CROCC2: variants seen among roughly 807,000 people sequenced by gnomAD.
CROCC2 encodes the protein ciliary rootlet coiled-coil, rootletin family member 2, also known as ciliary rootlet coiled-coil protein 2.
CROCC2 carries 163 observed loss-of-function variants against 177.6 expected under a neutral mutation model. The observed-to-expected ratio is 0.92, with a 90% CI of 0.81 to 1.05. CROCC2 has a LOEUF of 1.05. Ranked by LOEUF, CROCC2 falls within the 50% of genes least tolerant of loss-of-function variation. CROCC2 has a pLI of 0.00. For missense variants in CROCC2, 1,929 were observed against 1,797.8 expected (o/e 1.07, Z -1.32); for synonymous variants, 904 against 787.3 (o/e 1.15, Z -2.48).
intron 18 of CROCC2, chr2:240,950,961 A>T: frequency 6.2e-6 from 1 of 161,180 alleles, no homozygotes; most frequent in Non-Finnish European, 1.3e-5. Flanking sequence ...CTACCCATTC[A>T]CCTCCTCATC....
In CROCC2 at chr2:240,993,278, A is replaced by G; in HGVS notation, c.*197A>G. 5.5e-6 allele frequency: 3 copies of G among 541,732 alleles called. No individual in the cohort carries two copies. Among genetic ancestry groups the G allele is most frequent in the Admixed American group, 6.7e-5 (2 of 29,958 alleles). 33.6% of individuals were successfully genotyped at this position (541,732 alleles called of 1,614,324 possible). A position where few individuals can be genotyped will look rare whatever the true frequency, so the allele number is the denominator to read the frequency against. On this transcript the variant is annotated 3_prime_UTR_variant, in exon 32 of 32. Transcript: ENST00000690015. ...TTGAAATGCATGTGGGGGCCTCCGA[A>G]TTTTGAATTTTAATAAATAGTTGAA...
chr2:240,987,227 G>A (rs937719655), intron 28 of CROCC2, among the ~76,000 whole-genome samples: 1 of 152,186 alleles, frequency 6.6e-6, no homozygotes, highest in Non-Finnish European at 1.5e-5. Context: ...CCAGCTGTGG[G>A]CACAGTGCCC....
chr2:240,948,203 A>C (rs1350483883), intron 15 of CROCC2, among the ~76,000 whole-genome samples: 1 of 152,144 alleles, frequency 6.6e-6, no homozygotes, highest in Non-Finnish European at 1.5e-5. Flanking sequence ...AGTAGCATGC[A>C]GCAGAGTGAG....
At position 240,991,257 on chromosome 2, in the gene CROCC2, G is replaced by C. The variant is rs2059877707; in HGVS notation, c.4925G>C (p.Gly1642Ala). Residue 1642 changes from glycine (G) to alanine (A), a missense_variant, in exon 31 of 32, where the codon GGC becomes GCC. Around this residue, in one of 3 missense-constraint regions of CROCC2, gnomAD observed 388 missense variants for 352.7 expected, o/e 1.10. Transcript: ENST00000690015. ...CAGTGGCGGCAACAGGCCCACCTCG[G>C]CCAGGCCTTCCAGACAGGACAGTGA... ...EVQWRQQAHLGQAFQTGHAQR... is the reference protein window; with the variant it reads ...EVQWRQQAHLAQAFQTGHAQR... 6.5e-7 allele frequency: 1 copy of C among 1,548,576 alleles called. No individual in the cohort carries two copies. Among genetic ancestry groups the C allele is most frequent in the Non-Finnish European group, 8.7e-7 (1 of 1,146,004 alleles).
intron 14 of CROCC2, among the ~76,000 whole-genome samples, chr2:240,938,749 T>G (rs2059482430): frequency 6.6e-6 from 1 of 151,520 alleles, no homozygotes; most frequent in South Asian, 2.1e-4. Flanking sequence ...CAGCCATGTT[T>G]GTAGTTTTCA....
chr2:240,949,210 G>A lies in CROCC2; in HGVS notation c.2482+113G>A. ...CACCCCCTCTCCGGAGCCCACAGGGGCATGAACATGAGCTTGGAGCTCATG... is the reference window on the plus strand; with the variant it reads ...CACCCCCTCTCCGGAGCCCACAGGGACATGAACATGAGCTTGGAGCTCATG... On this transcript the variant is annotated intron_variant, in intron 16 of 31. Transcript: ENST00000690015. This position sits in a 1 kb window ranked among gnomAD's most constrained non-coding sequence, Gnocchi z 4.5. 2.8e-6 allele frequency: 4 copies of A among 1,439,392 alleles called. No individual in the cohort carries two copies. Among genetic ancestry groups the A allele is most frequent in the South Asian group, 1.5e-5 (1 of 67,318 alleles). 89.2% of individuals were successfully genotyped at this position (1,439,392 alleles called of 1,614,324 possible). A position where few individuals can be genotyped will look rare whatever the true frequency, so the allele number is the denominator to read the frequency against.
chr2:240,990,087 C>A lies in CROCC2; in HGVS notation c.4863+254C>A, dbSNP rs533844013. On this transcript the variant is annotated intron_variant, in intron 30 of 31. Transcript: ENST00000690015. ...CACCACCCTCTCTGAGCCTCCATTG[C>A]CCTGTCTCTAAAGTGGGGTAGTGAG... Among the ~76,000 whole-genome samples the A allele has an allele frequency of 5.5e-4, 84 of 152,330 alleles. 1 individual carries two copies. The highest frequency in any genetic ancestry group is 1.9e-3 in the African/African-American group (81 of 41,568).
chr2:240,934,984 G>A lies in CROCC2; in HGVS notation c.1860G>A (p.Arg620=), dbSNP rs746600773. 9.8e-5 allele frequency: 145 copies of A among 1,475,648 alleles called. No homozygotes were observed. The highest frequency in any genetic ancestry group is 1.2e-4 in the Non-Finnish European group (136 of 1,111,718). 91.4% of individuals were successfully genotyped at this position (1,475,648 alleles called of 1,614,324 possible). ...RRLKSEGVEQ[R]DSLAAMAALM... ...TGAAGTCGGAGGGAGTGGAGCAAAGGGACTCCCTGGCCGCAATGGCCGCCT... is the reference window on the plus strand; with the variant it reads ...TGAAGTCGGAGGGAGTGGAGCAAAGAGACTCCCTGGCCGCAATGGCCGCCT... The change falls in exon 13 of 32, where the codon AGG becomes AGA. Residue 620 remains arginine, a synonymous_variant. Coordinates refer to ENST00000690015, the MANE Select transcript of CROCC2 (RefSeq NM_001351305.2).
chr2:240,962,112 G>A (rs1223514901), intron 20 of CROCC2, among the ~76,000 whole-genome samples: 1 of 151,562 alleles, frequency 6.6e-6, no homozygotes, highest in East Asian at 1.9e-4. Flanking sequence ...ACCCTCCCCT[G>A]CTTTCCCTCC....
intron 17 of CROCC2, 146 bp from the exon 18 acceptor site, chr2:240,950,188 C>A: frequency 1.4e-6 from 1 of 715,138 alleles, no homozygotes; most frequent in South Asian, 2.0e-5. Flanking sequence ...GAGGGGAAGA[C>A]GTGGGGGGTG....
chr2:240,922,466 G>T, intron 3 of CROCC2, 73 bp from the exon 4 acceptor site: 2 of 628,386 alleles, frequency 3.2e-6, no homozygotes, highest in Non-Finnish European at 2.9e-6. Flanking sequence ...TCGGCTTTGT[G>T]CCCAAGATGC....
At chr2:240,959,632 C>T (rs1009210171) in intron 20 of CROCC2, 188 bp downstream of exon 20, 7 of 686,580 alleles carry the variant, frequency 1.0e-5, no homozygotes, top group Middle Eastern at 4.2e-4. Context: ...GGCCCTCACA[C>T]CACGCACTAA....
chr2:240,965,609 G>A (rs957701513), intron 23 of CROCC2, 27 bp from the exon 24 acceptor site: 13 of 1,549,932 alleles, frequency 8.4e-6, no homozygotes, highest in African/African-American at 5.5e-5. Context: ...TGTCTCCCAC[G>A]GGCGCACCCC....
chr2:240,964,759 C>T (rs1024997656), intron 22 of CROCC2, 134 bp downstream of exon 22: 2 of 1,153,670 alleles, frequency 1.7e-6, no homozygotes, highest in Non-Finnish European at 2.4e-6. Context: ...CTTTGGGCCA[C>T]GCCCTGCTCA....
chr2:240,976,082 G>A (rs1176331605), intron 27 of CROCC2, among the ~76,000 whole-genome samples: 1 of 152,240 alleles, frequency 6.6e-6, no homozygotes, highest in African/African-American at 2.4e-5. Flanking sequence ...TCATACCCAT[G>A]CCCCAGATGG....
At chr2:240,910,047 C>G (rs991148908) in intron 1 of CROCC2, among the ~76,000 whole-genome samples, 2 of 152,174 alleles carry the variant, frequency 1.3e-5, no homozygotes, top group Admixed American at 6.5e-5. Context: ...GCTGCTCTCC[C>G]CTCCTTTGGA....
At chr2:240,920,971 G>GC (rs1325638149) in intron 3 of CROCC2, among the ~76,000 whole-genome samples, 1 of 152,174 alleles carries the variant, frequency 6.6e-6, no homozygotes, top group East Asian at 1.9e-4. Context: ...CATCTTCAGA[G>GC]CCCCCCTGGT....
Position 240,973,670 on chromosome 2 carries a change from A to G in CROCC2, c.4401+5408A>G, listed in dbSNP as rs978541631. Among the ~76,000 whole-genome samples, 3 of 152,234 alleles carry G rather than the reference A, an allele frequency of 2.0e-5. No homozygotes were observed. The highest frequency in any genetic ancestry group is 6.5e-5 in the Admixed American group (1 of 15,284). ...GTCCACATATGCCCACAGCTAGCAG[A>G]GCAGCTTAGGGCCAGCGGGGCCCAC... On this transcript the variant is annotated intron_variant, in intron 27 of 31. Transcript: ENST00000690015. The surrounding 1 kb of genome is among the most constrained non-coding windows in gnomAD (Gnocchi z 4.7).
intron 26 of CROCC2, 69 bp from the exon 27 acceptor site, chr2:240,968,060 C>T (rs1204101871): frequency 2.2e-6 from 3 of 1,358,462 alleles, no homozygotes; most frequent in Non-Finnish European, 2.9e-6. Context: ...GTCCACAGAG[C>T]CCTGCATTGC....
Sources: gnomAD v4.1 joint callset for allele counts (sites outside exome capture counted in the v4.1 genomes callset) on GRCh38, gnomAD v4.1.1 for gene constraint, gnomAD v4.1.1 regional missense constraint, Gnocchi (gnomAD v3.1) non-coding constraint, MANE v1.5 for transcripts, NCBI Gene and HGNC (gene_info 2026-07-23, HGNC 2026-07-21) for gene names.